EPHA10: variants seen among roughly 807,000 people sequenced by gnomAD.
The protein encoded by EPHA10 is EPH receptor A10, also known as ephrin type-A receptor 10.
EPHA10 carries 120 observed loss-of-function variants against 109.7 expected under a neutral mutation model. That is an observed-to-expected ratio of 1.09 (90% CI 0.94 to 1.27). The LOEUF (loss-of-function observed/expected upper bound fraction) is 1.27. EPHA10 is among the 50% of genes most tolerant of loss of function. The pLI is 0.00. For missense variants in EPHA10, 1,396 were observed against 1,411.1 expected, an observed-to-expected ratio of 0.99 and a Z score of 0.17; for synonymous variants, 640 against 618.9, an observed-to-expected ratio of 1.03 and a Z score of -0.51.
In EPHA10 at chr1:37,723,152, G is replaced by A. The variant is rs564699683; in HGVS notation, c.1849C>T (p.Arg617Cys). The A allele has an allele frequency of 1.1e-5, 17 of 1,613,708 alleles. No homozygotes were observed. The highest frequency in any genetic ancestry group is 5.0e-5 in the Admixed American group (3 of 59,984). Residue 617 changes from arginine (R) to cysteine (C), a missense_variant, in exon 10 of 17, where the codon CGT becomes TGT. Transcript: ENST00000373048. ...CTCTGGGGGTCCAGGAATGTGCGAC[G>A]TGTTGGGACTTTGACTGGGAGAGAA... is the stretch of plus-strand genomic sequence containing the variant. ...ELYFHFKVPT[R>C]RTFLDPQSCG...
rs1645711876 is a variant in EPHA10 at position 37,717,528 on chromosome 1, T to TC, written c.*843dup. 1 of 231,142 alleles carries TC rather than the reference T, an allele frequency of 4.3e-6. No individual in the cohort carries two copies. The highest frequency in any genetic ancestry group is 1.8e-4 in the South Asian group (1 of 5,516). The allele number at this position is 231,142 out of a possible 1,614,324, so 14.3% of individuals were successfully genotyped here. A position where few individuals can be genotyped will look rare whatever the true frequency, so the allele number is the denominator to read the frequency against. ...CCATCTCTGAGTCTCCTCTTCACCC[T>TC]CCCCATGGCTGGAGAGAAAAGCTCT... is the stretch of plus-strand genomic sequence containing the variant. On this transcript the variant is annotated 3_prime_UTR_variant, in exon 17 of 17. Coordinates refer to ENST00000373048, the MANE Select transcript of EPHA10 (RefSeq NM_001099439.2).
At chr1:37,747,154 C>T (rs957561080) in intron 5 of EPHA10, among the ~76,000 whole-genome samples, 1 of 152,138 alleles carries the variant, frequency 6.6e-6, no homozygotes, top group Admixed American at 6.6e-5. Flanking sequence ...GTGATAATAT[C>T]ATGTATCAAA....
At position 37,719,593 on chromosome 1, in the gene EPHA10, C is replaced by T; in HGVS notation, c.2577G>A (p.Val859=). ...DMSGQDVIKA[V]EDGFRLPPPR... ...GGGGTGGCAGCCGGAAGCCATCCTC[C>T]ACAGCCTTGATCACCTGGGCCACAG... The change falls in exon 15 of 17, where the codon GTG becomes GTA. Residue 859 remains valine (V), a synonymous_variant. Coordinates refer to ENST00000373048, the MANE Select transcript of EPHA10 (RefSeq NM_001099439.2). The T allele has an allele frequency of 6.2e-7, 1 of 1,613,570 alleles. No homozygotes were observed. The highest frequency in any genetic ancestry group is 2.2e-5 in the East Asian group (1 of 44,880).
At chr1:37,744,535 C>A (rs1344692559) in intron 5 of EPHA10, among the ~76,000 whole-genome samples, 1 of 151,772 alleles carries the variant, frequency 6.6e-6, no homozygotes, top group African/African-American at 2.4e-5. Context: ...TGGTGTGCAC[C>A]TGTAGTCCCA....
rs543037156 is a variant in EPHA10 at position 37,716,763 on chromosome 1, A to G, written c.*1609T>C. 4 of 232,600 alleles carry G rather than the reference A, an allele frequency of 1.7e-5. No individual in the cohort carries two copies. Among genetic ancestry groups the G allele is most frequent in the Non-Finnish European group, 3.4e-5 (4 of 117,854 alleles). The allele number at this position is 232,600 out of a possible 1,614,324, so 14.4% of individuals were successfully genotyped here. ...ATCTTGCCTGCCGAAAACTCCACCC[A>G]CCCCAAGGAAAGAACCTTCCCTTTC... On this transcript the variant is annotated 3_prime_UTR_variant, in exon 17 of 17. Coordinates refer to ENST00000373048, the MANE Select transcript of EPHA10 (RefSeq NM_001099439.2).
In EPHA10 at chr1:37,761,308, C is replaced by T. The variant is rs1214901582; in HGVS notation, c.850+97G>A. ...AGTCCAAGGCTTCTCCACCGCCCCC[C>T]GACCCCACACCCGCCTCTTTCCTCT... On this transcript the variant is annotated intron_variant, in intron 3 of 16. Transcript: ENST00000373048. 5.2e-6 allele frequency: 8 copies of T among 1,548,150 alleles called. No individual in the cohort carries two copies. The East Asian group carries it at 1.4e-4, about 26-fold the overall frequency.
At chr1:37,719,713 T>TGCGCACACACAGACACAGACAC in intron 14 of EPHA10, 106 bp from the exon 15 acceptor site, 1 of 1,393,510 alleles carries the variant, frequency 7.2e-7, no homozygotes, top group East Asian at 2.3e-5. Context: ...CACACACACA[T>TGCGCACACACAGACACAGACAC]GCGCACACAC....
rs1196685870 is a variant in EPHA10 at position 37,731,681 on chromosome 1, A to G, written c.1492-99T>C. 3.7e-6 allele frequency: 5 copies of G among 1,352,684 alleles called. No individual in the cohort carries two copies. In the Admixed American group the frequency reaches 9.6e-5, roughly 26 times the overall value. The allele number at this position is 1,352,684 out of a possible 1,614,324, so 83.8% of individuals were successfully genotyped here. On this transcript the variant is annotated intron_variant, in intron 6 of 16. Coordinates refer to ENST00000373048, the MANE Select transcript of EPHA10 (RefSeq NM_001099439.2). ...ACAGGGAGGCAGGAGAAGCGCCCTT[A>G]CGTGAATGTGGGCTGAGTGCGAAAA...
chr1:37,718,869 C>G, intron 15 of EPHA10, 53 bp from the exon 16 acceptor site: 1 of 1,549,378 alleles, frequency 6.5e-7, no homozygotes. Context: ...GGGCCCACAC[C>G]TGGTGGTCTC....
chr1:37,719,427 T>TACCTGGGA lies in EPHA10; in HGVS notation c.2742_2743insTCCCAGGT (p.Thr915SerfsTer13). 6.2e-7 allele frequency: 1 copy of TACCTGGGA among 1,612,912 alleles called. No homozygotes were observed. The highest frequency in any genetic ancestry group is 8.5e-7 in the Non-Finnish European group (1 of 1,179,898). ...GTGGGAACGTACCTGGGACAGGTAG[T>TACCTGGGA]CAGGGCACACTTGGGGGGCTCTGGG... On this transcript the variant is annotated frameshift_variant, in exon 15 of 17. Transcript: ENST00000373048. LOFTEE classifies it high-confidence loss of function.
chr1:37,717,868 C>T lies in EPHA10; in HGVS notation c.*504G>A, dbSNP rs1645716230. Reference sequence around the variant, plus strand: ...ACAGGGAGCTGAGGTGGATGCACCTCTGGCCCAGCCCCCGACGCCTGAGCC... The same window carrying T: ...ACAGGGAGCTGAGGTGGATGCACCTTTGGCCCAGCCCCCGACGCCTGAGCC... On this transcript the variant is annotated 3_prime_UTR_variant, in exon 17 of 17. Coordinates refer to ENST00000373048, the MANE Select transcript of EPHA10 (RefSeq NM_001099439.2). The T allele has an allele frequency of 4.2e-6, 1 of 239,738 alleles. No individual in the cohort carries two copies. The highest frequency in any genetic ancestry group is 8.2e-6 in the Non-Finnish European group (1 of 121,514). The allele number at this position is 239,738 out of a possible 1,614,324, so 14.9% of individuals were successfully genotyped here. A position where few individuals can be genotyped will look rare whatever the true frequency, so the allele number is the denominator to read the frequency against.
At chr1:37,748,918 CTTTTTTTTTT>C (rs55656984) in intron 5 of EPHA10, among the ~76,000 whole-genome samples, 1 of 95,306 alleles carries the variant, frequency 1.0e-5, no homozygotes, top group East Asian at 3.2e-4. Context: ...TTCTTTTCAT[CTTTTTTTTTT>C]TTTTTTTTTT....
intron 4 of EPHA10, 123 bp from the exon 5 acceptor site, chr1:37,753,349 AG>A (rs1646359723): frequency 1.7e-6 from 1 of 593,656 alleles, no homozygotes; most frequent in Non-Finnish European, 2.4e-6. Flanking sequence ...CAGGGGCGCG[AG>A]GGTCAGTCGG....
chr1:37,724,170 A>G (rs1257920043), intron 8 of EPHA10, among the ~76,000 whole-genome samples: 1 of 152,214 alleles, frequency 6.6e-6, no homozygotes, highest in Admixed American at 6.5e-5. Context: ...AGAGAGGCAG[A>G]GGACTCGAGT....
intron 7 of EPHA10, among the ~76,000 whole-genome samples, chr1:37,730,707 T>G (rs951232001): frequency 2.0e-5 from 3 of 152,192 alleles, no homozygotes; most frequent in Non-Finnish European, 2.9e-5. Context: ...TTCTTTTTTT[T>G]TTGAGACAGA....
intron 5 of EPHA10, among the ~76,000 whole-genome samples, chr1:37,739,203 T>C (rs1197216826): frequency 6.6e-6 from 1 of 152,234 alleles, no homozygotes; most frequent in Non-Finnish European, 1.5e-5. Flanking sequence ...GGTGTAAACA[T>C]ACAACAGGAT....
At chr1:37,755,556 T>C (rs904583666) in intron 3 of EPHA10, among the ~76,000 whole-genome samples, 7 of 152,174 alleles carry the variant, frequency 4.6e-5, no homozygotes, top group African/African-American at 1.4e-4. Flanking sequence ...TGTTTCTATC[T>C]GAACAACCTG....
At chr1:37,722,748 C>G (rs1233065625) in intron 10 of EPHA10, 1 of 528,706 alleles carries the variant, frequency 1.9e-6, no homozygotes, top group Non-Finnish European at 3.6e-6. Flanking sequence ...GGCCCCTCCC[C>G]ACTGCCCCAT....
intron 10 of EPHA10, 179 bp downstream of exon 10, chr1:37,722,862 C>T (rs780501071): frequency 2.2e-6 from 2 of 907,710 alleles, no homozygotes; most frequent in African/African-American, 1.6e-5. Context: ...TATAATCAGG[C>T]AAGCCAGGGA....
Sources: allele counts gnomAD v4.1 joint callset (sites outside exome capture counted in the v4.1 genomes callset), GRCh38; gene constraint gnomAD v4.1.1; transcripts MANE v1.5; gene names NCBI Gene and HGNC (gene_info 2026-07-23, HGNC 2026-07-21).